VSIG1: variants seen among roughly 807,000 people sequenced by gnomAD.
The protein encoded by VSIG1 is V-set and immunoglobulin domain containing 1.
In VSIG1, 11 loss-of-function variants were observed where a neutral mutation model predicts 20.1. That is an observed-to-expected ratio of 0.55 (90% CI 0.34 to 0.91). The LOEUF is 0.91. Ranked by LOEUF, VSIG1 falls within the 40% of genes least tolerant of loss-of-function variation. The pLI is 0.02. For missense variants in VSIG1, 283 were observed against 298.8 expected (o/e 0.95, Z 0.39); for synonymous variants, 126 against 116.7 (o/e 1.08, Z -0.52).
chrX:108,075,605 C>A (rs747573203), intron 5 of VSIG1, among the ~76,000 whole-genome samples: 3 of 110,946 alleles, frequency 2.7e-5, no homozygotes, highest in Non-Finnish European at 3.8e-5. Context: ...GTCCATAGAC[C>A]GAGACAATAA....
At position 108,072,658 on chromosome X, in the gene VSIG1, C is replaced by A. The variant is rs2031272450; in HGVS notation, c.413-19C>A. 4 of 1,194,712 alleles carry A rather than the reference C, an allele frequency of 3.3e-6. No homozygotes were observed. The highest frequency in any genetic ancestry group is 6.0e-5 in the East Asian group (2 of 33,577). The stretch of plus-strand genomic sequence containing the variant: ...CCATTCATCCTAAAGAATTTTTATT[C>A]TTTGTCATTGCCTTACAGTGAAACC... On this transcript the variant is annotated intron_variant, in intron 3 of 6. Transcript: ENST00000217957.
intron 2 of VSIG1, 118 bp from the exon 3 acceptor site, chrX:108,066,818 T>C: frequency 1.5e-6 from 1 of 684,957 alleles, no homozygotes; most frequent in East Asian, 3.5e-5. Flanking sequence ...GACCTGTTCC[T>C]GGTGGGGGGA....
At chrX:108,040,716 A>G (rs1045096414), upstream of VSIG1, among the ~76,000 whole-genome samples, 2 of 112,301 alleles carry the variant, frequency 1.8e-5, no homozygotes, top group Non-Finnish European at 3.8e-5. Flanking sequence ...ATGAAATACC[A>G]TGCAGCCTTA....
rs2030635550 is a variant in VSIG1 at position 108,047,847 on chromosome X, T to TATATACACATATATATATAC, written c.49+2673_49+2674insCACATATATATATACATATA. On this transcript the variant is annotated intron_variant, in intron 1 of 6. Coordinates refer to ENST00000217957, the MANE Select transcript of VSIG1 (RefSeq NM_182607.5). ...ATATATATACACATATATATATACA[T>TATATACACATATATATATAC]ATATATATACACATATATATATACA... Among the ~76,000 whole-genome samples the TATATACACATATATATATAC allele has an allele frequency of 1.7e-4, 6 of 36,072 alleles. 1 individual carries two copies. Among genetic ancestry groups the TATATACACATATATATATAC allele is most frequent in the Non-Finnish European group, 3.1e-4 (6 of 19,326 alleles). 31.3% of individuals were successfully genotyped at this position (36,072 alleles called of 115,157 possible). A position where few individuals can be genotyped will look rare whatever the true frequency, so the allele number is the denominator to read the frequency against.
chrX:108,074,854 T>C, intron 5 of VSIG1, among the ~76,000 whole-genome samples: 1 of 111,673 alleles, frequency 9.0e-6, no homozygotes, highest in Non-Finnish European at 1.9e-5. Flanking sequence ...GGGCTTCACA[T>C]GGCATGTCTC....
At chrX:108,065,425 T>C (rs774766504) in intron 2 of VSIG1, among the ~76,000 whole-genome samples, 1 of 112,004 alleles carries the variant, frequency 8.9e-6, no homozygotes, top group South Asian at 3.7e-4. Flanking sequence ...CAGTAGATTT[T>C]ATGAAAAATT....
chrX:108,047,901 TATAC>T lies in VSIG1; in HGVS notation c.49+2724_49+2727del, dbSNP rs2030653512. ...ATATATATATACACACATATATATA[TATAC>T]ACATATATATATACACATATATATA... On this transcript the variant is annotated intron_variant, in intron 1 of 6. Transcript: ENST00000217957. Among the ~76,000 whole-genome samples, 3 of 33,349 alleles carry T rather than the reference TATAC, an allele frequency of 9.0e-5. 1 individual carries two copies. Among genetic ancestry groups the T allele is most frequent in the African/African-American group, 7.1e-4 (3 of 4,203 alleles). 29.0% of individuals were successfully genotyped at this position (33,349 alleles called of 115,157 possible).
chrX:108,063,204 G>A (rs2031062686), intron 2 of VSIG1, among the ~76,000 whole-genome samples: 1 of 111,718 alleles, frequency 9.0e-6, no homozygotes, highest in Non-Finnish European at 1.9e-5. Context: ...ACAATTGGCA[G>A]GAGAAAGGTT....
At chrX:108,075,187 T>C (rs2031325612) in intron 5 of VSIG1, among the ~76,000 whole-genome samples, 1 of 110,558 alleles carries the variant, frequency 9.0e-6, no homozygotes, top group South Asian at 3.9e-4. Context: ...ATCTCCAACT[T>C]CTAGGGTACG....
rs764459761 is a variant in VSIG1 at position 108,047,999 on chromosome X, T to C, written c.49+2820T>C. ...ATATATATATATATATATATATATA[T>C]ATACACATATATATATTCTTTTGAG... On this transcript the variant is annotated intron_variant, in intron 1 of 6. Coordinates refer to ENST00000217957, the MANE Select transcript of VSIG1 (RefSeq NM_182607.5). Among the ~76,000 whole-genome samples, 321 of 70,852 alleles carry C rather than the reference T, an allele frequency of 4.5e-3. 15 individuals carry two copies. The highest frequency in any genetic ancestry group is 0.018 in the African/African-American group (301 of 16,629). The allele number at this position is 70,852 out of a possible 115,157, so 61.5% of individuals were successfully genotyped here.
rs2031402183 is a variant in VSIG1 at position 108,079,062 on chromosome X, C to T, written c.*1681C>T. ...TGGAATTAATCATATTTAAATCTTA[C>T]TTTAAGGCTCAATAAATAATACTCA... On this transcript the variant is annotated 3_prime_UTR_variant, in exon 7 of 7. Coordinates refer to ENST00000217957, the MANE Select transcript of VSIG1 (RefSeq NM_182607.5). The T allele has an allele frequency of 8.9e-6, 1 of 112,441 alleles. No individual in the cohort carries two copies. Among genetic ancestry groups the T allele is most frequent in the Admixed American group, 9.4e-5 (1 of 10,664 alleles). 9.3% of individuals were successfully genotyped at this position (112,441 alleles called of 1,213,427 possible).
chrX:108,040,130 C>A (rs906949876), upstream of VSIG1, among the ~76,000 whole-genome samples: 5 of 110,632 alleles, frequency 4.5e-5, no homozygotes, highest in Admixed American at 1.9e-4. Context: ...AGATACCAAA[C>A]CCAGAGTAAG....
the VSIG1 span, among the ~76,000 whole-genome samples, chrX:108,025,327 G>T: frequency 8.9e-6 from 1 of 111,763 alleles, no homozygotes; most frequent in Non-Finnish European, 1.9e-5. Context: ...TATTTTAATT[G>T]TAAGTCTGCC....
At chrX:108,047,959 CACATATATATATATATATATATATAT>C (rs1376133327) in intron 1 of VSIG1, among the ~76,000 whole-genome samples, 16 of 14,808 alleles carry the variant, frequency 1.1e-3, no homozygotes, top group Non-Finnish European at 1.2e-3. Context: ...TATATACACA[CACATATATATATATATATATATATAT>C]ATATATATAT....
chrX:108,024,408 T>G, the VSIG1 span, among the ~76,000 whole-genome samples: 1 of 108,945 alleles, frequency 9.2e-6, no homozygotes, highest in Non-Finnish European at 1.9e-5. Flanking sequence ...CATTTCACTG[T>G]TTTTTTTCTA....
the VSIG1 span, among the ~76,000 whole-genome samples, chrX:108,021,046 T>C: frequency 8.9e-6 from 1 of 111,885 alleles, no homozygotes; most frequent in African/African-American, 3.3e-5. Context: ...TTCCCATGAG[T>C]TGAGGCAGAG....
At chrX:108,036,335 C>T in the VSIG1 span, among the ~76,000 whole-genome samples, 7 of 109,878 alleles carry the variant, frequency 6.4e-5, no homozygotes, top group Admixed American at 9.7e-5. Flanking sequence ...GGGTCTAGGA[C>T]CTCTTTGTGT....
At chrX:108,061,747 A>G (rs1260899491) in intron 2 of VSIG1, among the ~76,000 whole-genome samples, 1 of 109,693 alleles carries the variant, frequency 9.1e-6, no homozygotes, top group Non-Finnish European at 1.9e-5. Context: ...TCAGGACCCT[A>G]TTGCTGCCCT....
the VSIG1 span, among the ~76,000 whole-genome samples, chrX:108,027,696 T>C: frequency 0.011 from 1,201 of 111,674 alleles, 9 homozygotes; most frequent in Non-Finnish European, 0.017. Flanking sequence ...AGACTCCTAA[T>C]AGATGATGAT....
Sources: allele counts gnomAD v4.1 joint callset (sites outside exome capture counted in the v4.1 genomes callset), GRCh38; gene constraint gnomAD v4.1.1; transcripts MANE v1.5; gene names NCBI Gene and HGNC (gene_info 2026-07-23, HGNC 2026-07-21).